SYNE1: variants seen among roughly 807,000 people sequenced by gnomAD.
SYNE1 encodes the protein spectrin repeat containing nuclear envelope protein 1.
In SYNE1, 616 loss-of-function variants were observed where a neutral mutation model predicts 1,111.0. That is an observed-to-expected ratio of 0.55 (90% CI 0.52 to 0.59). The LOEUF (loss-of-function observed/expected upper bound fraction) is 0.59. Among genes scored for constraint, SYNE1 ranks in the 20% least tolerant of loss-of-function variants. The probability of loss-of-function intolerance (pLI) is 0.00; values close to 1 mark genes in which losing one functional copy is unlikely to be tolerated. For synonymous variants in SYNE1, 3,855 were observed against 3,825.8 expected (o/e 1.01, Z -0.28); for missense variants, 10,006 against 10,417.0 (o/e 0.96, Z 1.72).
At chr6:152,302,662 A>G (rs1188314150) in intron 91 of SYNE1, among the ~76,000 whole-genome samples, 1 of 151,726 alleles carries the variant, frequency 6.6e-6, no homozygotes, top group Non-Finnish European at 1.5e-5. Context: ...TGACCCCCCA[A>G]AAAAATTTTG....
At chr6:152,397,502 T>A (rs901639126) in intron 49 of SYNE1, among the ~76,000 whole-genome samples, 6 of 152,208 alleles carry the variant, frequency 3.9e-5, no homozygotes, top group African/African-American at 1.4e-4. Context: ...TGTCACCTGT[T>A]ACTCAGGCAT....
intron 4 of SYNE1, 88 bp from the exon 5 acceptor site, chr6:152,526,263 G>T: frequency 7.3e-7 from 1 of 1,364,544 alleles, no homozygotes; most frequent in Non-Finnish European, 1.0e-6. Context: ...TACTTATGGT[G>T]GTGAAATTTG....
In SYNE1 at chr6:152,376,548, G is replaced by A; in HGVS notation, c.9157C>T (p.Gln3053Ter). 3 of 1,613,900 alleles carry A rather than the reference G, an allele frequency of 1.9e-6. No homozygotes were observed. The highest frequency in any genetic ancestry group is 2.5e-6 in the Non-Finnish European group (3 of 1,180,020). ...LIKEYNCLCL[Q>*]ASKGCQNKEQ... ...TTATTCTGGCAGCCCTTGGATGCTT[G>A]CAAACAAAGACTGAAAAGGTGACGC... Residue 3053 changes from glutamine (Q) to a stop codon, truncating the protein, a stop_gained, in exon 58 of 146, where the codon CAA becomes TAA. Coordinates refer to ENST00000367255, the MANE Select transcript of SYNE1 (RefSeq NM_182961.4). LOFTEE classifies it high-confidence loss of function.
chr6:152,574,953 T>G (rs2099490515), intron 3 of SYNE1, among the ~76,000 whole-genome samples: 1 of 152,238 alleles, frequency 6.6e-6, no homozygotes, highest in Admixed American at 6.5e-5. Flanking sequence ...TTTAGGTTCT[T>G]TAAGCCACCA....
At chr6:152,557,410 A>G (rs1404848937) in intron 3 of SYNE1, among the ~76,000 whole-genome samples, 1 of 152,156 alleles carries the variant, frequency 6.6e-6, no homozygotes, top group Admixed American at 6.5e-5. Context: ...AAAAAAAATA[A>G]TGTTAGAAAA....
intron 4 of SYNE1, among the ~76,000 whole-genome samples, chr6:152,528,562 T>C (rs2099177010): frequency 1.3e-5 from 2 of 152,206 alleles, no homozygotes; most frequent in South Asian, 4.1e-4. Flanking sequence ...CAAATATTTA[T>C]ACCACCAATA....
At chr6:152,365,144 CG>C (rs2097046729) in intron 62 of SYNE1, 125 bp from the exon 63 acceptor site, 3 of 1,225,762 alleles carry the variant, frequency 2.4e-6, no homozygotes, top group Admixed American at 2.0e-5. Context: ...AGCTCCCAGT[CG>C]GCTGAGACAG....
chr6:152,236,753 G>T (rs2084176037), intron 109 of SYNE1, 64 bp downstream of exon 109: 2 of 1,587,992 alleles, frequency 1.3e-6, no homozygotes, highest in Admixed American at 1.7e-5. Context: ...TCACAAGTTT[G>T]TTTACATTCT....
intron 55 of SYNE1, 88 bp from the exon 56 acceptor site, chr6:152,381,450 C>G: frequency 1.5e-6 from 2 of 1,355,516 alleles, no homozygotes; most frequent in Non-Finnish European, 2.1e-6. Context: ...GGGACCCTGT[C>G]CTGCCAGGAA....
chr6:152,523,713 C>T (rs1247053198), intron 5 of SYNE1, among the ~76,000 whole-genome samples: 3 of 151,980 alleles, frequency 2.0e-5, no homozygotes, highest in African/African-American at 7.2e-5. Context: ...TTGTTTGTGT[C>T]ATCTATTATT....
chr6:152,566,891 T>C (rs2099415326), intron 3 of SYNE1, among the ~76,000 whole-genome samples: 1 of 152,150 alleles, frequency 6.6e-6, no homozygotes, highest in Non-Finnish European at 1.5e-5. Flanking sequence ...AACTTGTTAT[T>C]GTATATATTT....
intron 95 of SYNE1, among the ~76,000 whole-genome samples, chr6:152,292,677 C>T (rs2094664689): frequency 6.6e-6 from 1 of 152,204 alleles, no homozygotes; most frequent in East Asian, 1.9e-4. Flanking sequence ...ACGTTTCACT[C>T]CTAAAGCTGT....
intron 101 of SYNE1, among the ~76,000 whole-genome samples, chr6:152,259,874 A>G (rs2091679271): frequency 6.6e-6 from 1 of 152,200 alleles, no homozygotes; most frequent in African/African-American, 2.4e-5. Flanking sequence ...ATGTCATTAA[A>G]AAAAGAACAT....
intron 3 of SYNE1, among the ~76,000 whole-genome samples, chr6:152,554,967 G>T (rs531754044): frequency 3.3e-5 from 5 of 152,216 alleles, no homozygotes; most frequent in Admixed American, 2.6e-4. Flanking sequence ...ACTTTCTTTT[G>T]TCTTTAACCA....
At chr6:152,471,882 T>C (rs921000698) in intron 15 of SYNE1, 117 bp from the exon 16 acceptor site, 50 of 1,027,172 alleles carry the variant, frequency 4.9e-5, no homozygotes, top group Non-Finnish European at 6.9e-5. Context: ...CTTCTAACTC[T>C]GGCTGATCAT....
chr6:152,366,062 G>T (rs956299273), intron 62 of SYNE1, among the ~76,000 whole-genome samples: 1 of 152,080 alleles, frequency 6.6e-6, no homozygotes, highest in Non-Finnish European at 1.5e-5. Flanking sequence ...GCCCGGACGC[G>T]GTGGCTCACC....
At chr6:152,511,216 A>G (rs113688629) in intron 6 of SYNE1, 113 bp from the exon 7 acceptor site, 15 of 938,668 alleles carry the variant, frequency 1.6e-5, no homozygotes, top group African/African-American at 9.9e-5. Context: ...ATGCCTATGT[A>G]ATAGTACATG....
At chr6:152,465,021 G>A (rs1161136305) in intron 18 of SYNE1, 17 of 551,816 alleles carry the variant, frequency 3.1e-5, no homozygotes, top group Non-Finnish European at 4.9e-5. Flanking sequence ...CAGACTTCAG[G>A]GTAATATAGT....
intron 127 of SYNE1, among the ~76,000 whole-genome samples, chr6:152,191,703 T>C (rs2072441998): frequency 6.6e-6 from 1 of 152,160 alleles, no homozygotes; most frequent in African/African-American, 2.4e-5. Flanking sequence ...AATAAACTTT[T>C]CATTTTGTTG....
Sources: allele counts gnomAD v4.1 joint callset (sites outside exome capture counted in the v4.1 genomes callset), GRCh38; gene constraint gnomAD v4.1.1; transcripts MANE v1.5; gene names NCBI Gene and HGNC (gene_info 2026-07-23, HGNC 2026-07-21).